The following NGEF variants were observed in gnomAD, a reference collection of about 807,000 sequenced individuals.
NGEF encodes the protein neuronal guanine nucleotide exchange factor.
In NGEF, 31 loss-of-function variants were observed where a neutral mutation model predicts 80.9. The ratio of observed to expected loss-of-function variants is 0.38; its 90% CI spans 0.29 to 0.52. The LOEUF (loss-of-function observed/expected upper bound fraction) is 0.52, where lower values mean the gene tolerates loss of function less well. Ranked by LOEUF, NGEF falls within the 20% of genes least tolerant of loss-of-function variation. The probability of loss-of-function intolerance (pLI) is 0.84; values close to 1 mark genes in which losing one functional copy is unlikely to be tolerated. For missense variants in NGEF, 709 were observed against 926.2 expected, an observed-to-expected ratio of 0.77 and a Z score of 3.04; for synonymous variants, 371 against 370.2, an observed-to-expected ratio of 1.00 and a Z score of -0.03.
chr2:232,991,259 T>C (rs1694644162), intron 1 of NGEF, among the ~76,000 whole-genome samples: 1 of 151,950 alleles, frequency 6.6e-6, no homozygotes, highest in South Asian at 2.1e-4. Flanking sequence ...AAAAATGTCA[T>C]TCAGATTGGA....
chr2:232,893,674 T>A (rs768697574), intron 6 of NGEF, among the ~76,000 whole-genome samples: 30 of 150,380 alleles, frequency 2.0e-4, no homozygotes, highest in Non-Finnish European at 3.7e-4. Context: ...ACTCGGGAGG[T>A]TGAGGCAGGA....
At chr2:232,938,089 C>T (rs1009653463) in intron 3 of NGEF, among the ~76,000 whole-genome samples, 5 of 152,152 alleles carry the variant, frequency 3.3e-5, no homozygotes, top group African/African-American at 1.2e-4. Context: ...GCATGAGTTT[C>T]AATGGTCATG....
chr2:232,926,455 T>G (rs1472781031), intron 4 of NGEF, among the ~76,000 whole-genome samples: 1 of 152,096 alleles, frequency 6.6e-6, no homozygotes, highest in Non-Finnish European at 1.5e-5. Context: ...AGGCTGAGCC[T>G]CGGCTTCCCT....
At chr2:232,923,955 G>A (rs570749324) in intron 4 of NGEF, among the ~76,000 whole-genome samples, 82 of 152,152 alleles carry the variant, frequency 5.4e-4, no homozygotes, top group African/African-American at 1.8e-3. Context: ...AGGTGGAAAG[G>A]GCCGGGCACA....
intron 3 of NGEF, among the ~76,000 whole-genome samples, chr2:232,950,581 C>G (rs1310458700): frequency 6.6e-6 from 1 of 152,202 alleles, no homozygotes; most frequent in African/African-American, 2.4e-5. Flanking sequence ...TCCACCCCTG[C>G]CTTCAGGCAG....
At chr2:232,974,594 C>T in intron 2 of NGEF, 29 bp downstream of exon 2, 1 of 1,604,898 alleles carries the variant, frequency 6.2e-7, no homozygotes. Flanking sequence ...TGTAAGGGAA[C>T]AGCCGTGACA....
In NGEF at chr2:232,978,266, T is replaced by C. The variant is rs538786736; in HGVS notation, c.-74-3302A>G. Among the ~76,000 whole-genome samples, 28 of 151,950 alleles carry C rather than the reference T, an allele frequency of 1.8e-4. 1 individual carries two copies. In the Middle Eastern group the frequency reaches 0.017, roughly 92 times the overall value. ...TGGGCATGGTGGCTCACGTCTGTAA[T>C]CCCAGCACAGGCTGAGGGGGGGGAT... is the stretch of plus-strand genomic sequence containing the variant. On this transcript the variant is annotated intron_variant, in intron 1 of 14. Transcript: ENST00000264051.
intron 5 of NGEF, among the ~76,000 whole-genome samples, chr2:232,897,717 C>T (rs928790779): frequency 3.3e-5 from 5 of 152,256 alleles, no homozygotes; most frequent in Non-Finnish European, 7.3e-5. Flanking sequence ...GTGTCTGCAC[C>T]TCACTTGAGA....
chr2:232,879,732 G>A (rs986802219), intron 14 of NGEF, 53 bp from the exon 15 acceptor site: 2 of 1,544,138 alleles, frequency 1.3e-6, no homozygotes, highest in Non-Finnish European at 1.8e-6. Flanking sequence ...GGCACAGGCT[G>A]CACAGAGGCT....
intron 8 of NGEF, chr2:232,891,108 G>T: frequency 1.7e-6 from 1 of 580,100 alleles, no homozygotes; most frequent in Non-Finnish European, 3.3e-6. Context: ...CCCCTGTCGT[G>T]TCGGCCCATT....
intron 5 of NGEF, among the ~76,000 whole-genome samples, chr2:232,903,071 C>T (rs1692403057): frequency 2.0e-5 from 3 of 152,168 alleles, no homozygotes; most frequent in Admixed American, 6.5e-5. Flanking sequence ...GGGTAAGGCA[C>T]CACATTAGTG....
intron 3 of NGEF, chr2:232,970,010 AT>A (rs542996191): frequency 6.4e-6 from 2 of 311,936 alleles, no homozygotes; most frequent in Non-Finnish European, 5.8e-6. Context: ...GCCCACAAAT[AT>A]TTTTTTAAAA....
chr2:232,882,252 G>A lies in NGEF; in HGVS notation c.1771C>T (p.Arg591Cys), dbSNP rs764647434. ...TTGGGGGCCAGTGAGGTCATCCAAC[G>A]CTTCATCTCACTCCTGGCACAGGGA... ...LKASSQSEMK[R>C]WMTSLAPNRR... The change falls in exon 13 of 15, where the codon CGT (arginine) becomes TGT (cysteine). Residue 591 changes from arginine to cysteine, a missense_variant. By Grantham distance (180) the Arg-to-Cys change is radical. Coordinates refer to ENST00000264051, the MANE Select transcript of NGEF (RefSeq NM_019850.3). 2.5e-6 allele frequency: 4 copies of A among 1,613,616 alleles called. No homozygotes were observed. Among genetic ancestry groups the A allele is most frequent in the South Asian group, 2.2e-5 (2 of 90,998 alleles).
At chr2:232,986,482 G>T (rs1694534019) in intron 1 of NGEF, among the ~76,000 whole-genome samples, 1 of 152,230 alleles carries the variant, frequency 6.6e-6, no homozygotes, top group Non-Finnish European at 1.5e-5. Context: ...AATGGATAAA[G>T]AAATTGTGGT....
intron 3 of NGEF, among the ~76,000 whole-genome samples, chr2:232,933,525 A>G (rs938705424): frequency 6.6e-6 from 1 of 152,130 alleles, no homozygotes; most frequent in Admixed American, 6.5e-5. Flanking sequence ...CTCTCTGGCA[A>G]TAAGGGTCTG....
chr2:232,970,279 G>A lies in NGEF; in HGVS notation c.318C>T (p.Ile106=), dbSNP rs1694159180. The change falls in exon 3 of 15, where the codon ATC becomes ATT. Residue 106 remains isoleucine (I), a synonymous_variant. Transcript: ENST00000264051. ...TGCAAGGAGGCATTCTGCTCCAGGG[G>A]ATATTCAAGGTCAGGGGCTCATTTA... ...KSVNEPLTLN[I]PWSRMPPCRT... 1.9e-6 allele frequency: 3 copies of A among 1,605,424 alleles called. No homozygotes were observed. Among genetic ancestry groups the A allele is most frequent in the Admixed American group, 1.7e-5 (1 of 57,710 alleles).
chr2:232,985,911 C>G (rs1694523012), intron 1 of NGEF, among the ~76,000 whole-genome samples: 1 of 150,872 alleles, frequency 6.6e-6, no homozygotes, highest in Non-Finnish European at 1.5e-5. Flanking sequence ...TGCCCCCCAG[C>G]CTGGGCAACA....
intron 1 of NGEF, among the ~76,000 whole-genome samples, chr2:232,986,810 A>C (rs973158899): frequency 2.0e-5 from 3 of 152,212 alleles, no homozygotes; most frequent in African/African-American, 7.2e-5. Context: ...TGGATGTGTT[A>C]ATTTGACTGT....
chr2:232,896,496 CAG>C, intron 5 of NGEF, among the ~76,000 whole-genome samples: 1 of 133,296 alleles, frequency 7.5e-6, no homozygotes, highest in African/African-American at 2.8e-5. Flanking sequence ...GGGGTGGAAA[CAG>C]AGCAGTGAGG....
Sources: allele counts gnomAD v4.1 joint callset (sites outside exome capture counted in the v4.1 genomes callset), GRCh38; gene constraint gnomAD v4.1.1; transcripts MANE v1.5; gene names NCBI Gene and HGNC (gene_info 2026-07-23, HGNC 2026-07-21).